Variants in MGAT4A observed in about 807,000 individuals in gnomAD.
MGAT4A encodes the protein N-acetylglucosaminyltransferase IVa.
MGAT4A carries 33 observed loss-of-function variants against 74.1 expected under a neutral mutation model. The observed-to-expected ratio is 0.45, with a 90% CI of 0.34 to 0.60. The LOEUF (loss-of-function observed/expected upper bound fraction) is 0.60. MGAT4A is among the 20% of genes least tolerant of loss of function. The pLI is 0.02. For synonymous variants in MGAT4A, 198 were observed against 210.4 expected (o/e 0.94, Z 0.51); for missense variants, 479 against 628.3 (o/e 0.76, Z 2.54).
At position 98,619,456 on chromosome 2, in the gene MGAT4A, C is replaced by T. The variant is rs1344344436; in HGVS notation, c.*6110G>A. 6.6e-6 allele frequency: 1 copy of T among 152,124 alleles called. No homozygotes were observed. Among genetic ancestry groups the T allele is most frequent in the Non-Finnish European group, 1.5e-5 (1 of 68,024 alleles). The allele number at this position is 152,124 out of a possible 1,614,324, so 9.4% of individuals were successfully genotyped here. A position where few individuals can be genotyped will look rare whatever the true frequency, so the allele number is the denominator to read the frequency against. On this transcript the variant is annotated 3_prime_UTR_variant, in exon 16 of 16. Transcript: ENST00000393487. ...CTAAGGGATGCTTCCAGAAACATCC[C>T]CTAATGCAGACAACCTTTCCAAAGT...
intron 2 of MGAT4A, among the ~76,000 whole-genome samples, chr2:98,715,862 A>G (rs556632722): frequency 1.3e-5 from 2 of 152,342 alleles, no homozygotes; most frequent in East Asian, 3.9e-4. Context: ...ATGATAAGAA[A>G]CAGGATATTG....
chr2:98,707,788 C>T (rs1358579342), intron 2 of MGAT4A, among the ~76,000 whole-genome samples: 1 of 152,132 alleles, frequency 6.6e-6, no homozygotes, highest in East Asian at 1.9e-4. Flanking sequence ...CCCTGCCTGT[C>T]CCTTCTGAGA....
intron 2 of MGAT4A, among the ~76,000 whole-genome samples, chr2:98,704,694 C>G (rs559285244): frequency 6.6e-6 from 1 of 151,992 alleles, no homozygotes; most frequent in Non-Finnish European, 1.5e-5. Flanking sequence ...GGCTTGAGCC[C>G]AGGAGGCAGA....
chr2:98,696,768 T>A (rs1702280428), intron 2 of MGAT4A, among the ~76,000 whole-genome samples: 1 of 152,164 alleles, frequency 6.6e-6, no homozygotes, highest in African/African-American at 2.4e-5. Flanking sequence ...CTATCCCCTA[T>A]GAAACAGCAG....
chr2:98,679,846 A>G (rs976288038), intron 2 of MGAT4A, among the ~76,000 whole-genome samples: 2 of 152,152 alleles, frequency 1.3e-5, no homozygotes, highest in African/African-American at 4.8e-5. Flanking sequence ...ACAGAACTGG[A>G]CAGCAACACC....
intron 8 of MGAT4A, among the ~76,000 whole-genome samples, chr2:98,649,950 C>T (rs777411370): frequency 5.3e-5 from 8 of 152,120 alleles, no homozygotes; most frequent in Non-Finnish European, 7.4e-5. Context: ...GAAATGAAGA[C>T]ATATGAACTG....
In MGAT4A at chr2:98,672,544, T is replaced by C. The variant is rs543566495; in HGVS notation, c.403+2491A>G. ...TCTACCCTGAATGGGCCCTTTAACC[T>C]GAAAACCTGAAGGTTTCTTCAACTC... On this transcript the variant is annotated intron_variant, in intron 4 of 15. Coordinates refer to ENST00000393487, the MANE Select transcript of MGAT4A (RefSeq NM_012214.3). 1.1e-4 allele frequency among the ~76,000 whole-genome samples: 16 copies of C among 152,334 alleles called. No individual in the cohort carries two copies. In the East Asian group the frequency reaches 3.1e-3, roughly 29 times the overall value.
In MGAT4A at chr2:98,651,916, A is replaced by C. The variant is rs1349732049; in HGVS notation, c.774+3529T>G. The stretch of plus-strand genomic sequence containing the variant: ...GAACTGAAAGAAAACAAGGATGGCC[A>C]TACTTAGACAAAATAAGACTTTAAG... On this transcript the variant is annotated intron_variant, in intron 8 of 15. Transcript: ENST00000393487. 2.0e-5 allele frequency among the ~76,000 whole-genome samples: 3 copies of C among 152,364 alleles called. No homozygotes were observed. In the South Asian group the frequency reaches 6.2e-4, roughly 32 times the overall value.
At position 98,632,286 on chromosome 2, in the gene MGAT4A, G is replaced by C. The variant is rs117530180; in HGVS notation, c.1468+2936C>G. ...ACTGCCATGGGGTCAGAGCCCCACA[G>C]CCTGCCCTTCTGCATGCTCCCCTAG... On this transcript the variant is annotated intron_variant, in intron 14 of 15. Coordinates refer to ENST00000393487, the MANE Select transcript of MGAT4A (RefSeq NM_012214.3). Among the ~76,000 whole-genome samples, 720 of 152,202 alleles carry C rather than the reference G, an allele frequency of 4.7e-3. 4 individuals carry two copies. Among genetic ancestry groups the C allele is most frequent in the Middle Eastern group, 0.024 (7 of 294 alleles).
chr2:98,690,934 G>C (rs548870436), intron 2 of MGAT4A, among the ~76,000 whole-genome samples: 5 of 152,272 alleles, frequency 3.3e-5, no homozygotes, highest in African/African-American at 1.2e-4. Flanking sequence ...GCCCAATCTA[G>C]TCAAAAGAGA....
intron 13 of MGAT4A, 86 bp downstream of exon 13, chr2:98,636,431 C>A (rs1701322771): frequency 4.0e-6 from 4 of 1,009,088 alleles, no homozygotes; most frequent in East Asian, 4.8e-5. Context: ...TGAGAATTTT[C>A]TTTCCCCTTA....
Position 98,663,184 on chromosome 2 carries a change from A to G in MGAT4A, c.404-5T>C. 1 of 1,526,524 alleles carries G rather than the reference A, an allele frequency of 6.6e-7. No homozygotes were observed. Among genetic ancestry groups the G allele is most frequent in the Non-Finnish European group, 8.8e-7 (1 of 1,134,428 alleles). The allele number at this position is 1,526,524 out of a possible 1,614,324, so 94.6% of individuals were successfully genotyped here. A position where few individuals can be genotyped will look rare whatever the true frequency, so the allele number is the denominator to read the frequency against. Reference sequence around the variant, plus strand: ...GAATGCCCATGACTATTGAAACTGGAAAAAAAAATAGTAATTATATTAAAA... The same window carrying G: ...GAATGCCCATGACTATTGAAACTGGGAAAAAAAATAGTAATTATATTAAAA... On this transcript the variant is annotated splice_region_variant and splice_polypyrimidine_tract_variant and intron_variant, in intron 4 of 15. Transcript: ENST00000393487.
intron 4 of MGAT4A, among the ~76,000 whole-genome samples, chr2:98,664,401 C>CT (rs1701796199): frequency 1.3e-5 from 2 of 152,100 alleles, no homozygotes; most frequent in South Asian, 4.1e-4. Context: ...AATTTGTCCT[C>CT]TGAGACAAAC....
chr2:98,672,635 A>T (rs1416651774), intron 4 of MGAT4A, among the ~76,000 whole-genome samples: 1 of 152,182 alleles, frequency 6.6e-6, no homozygotes, highest in African/African-American at 2.4e-5. Flanking sequence ...TCCTTCTGAA[A>T]TGACTACCAG....
At chr2:98,699,415 ACCAGC>A (rs1311968642) in intron 2 of MGAT4A, among the ~76,000 whole-genome samples, 1 of 152,162 alleles carries the variant, frequency 6.6e-6, no homozygotes, top group East Asian at 1.9e-4. Context: ...CCAGCCGAGG[ACCAGC>A]CTTTCAAGCC....
At chr2:98,703,550 T>C (rs1233055724) in intron 2 of MGAT4A, among the ~76,000 whole-genome samples, 2 of 152,130 alleles carry the variant, frequency 1.3e-5, no homozygotes, top group Non-Finnish European at 2.9e-5. Context: ...AACACCTCCT[T>C]AAAGGCAGAG....
At chr2:98,705,943 C>T (rs1308708286) in intron 2 of MGAT4A, among the ~76,000 whole-genome samples, 11 of 129,574 alleles carry the variant, frequency 8.5e-5, no homozygotes, top group East Asian at 2.2e-4. Context: ...AGCGAGACTC[C>T]GTCTCAAAAA....
At chr2:98,668,999 G>A (rs757267459) in intron 4 of MGAT4A, among the ~76,000 whole-genome samples, 1 of 152,176 alleles carries the variant, frequency 6.6e-6, no homozygotes, top group African/African-American at 2.4e-5. Context: ...GCTTGCTTTT[G>A]ATTTTACAGG....
chr2:98,636,760 T>C (rs930433114), intron 12 of MGAT4A, among the ~76,000 whole-genome samples, 165 bp from the exon 13 acceptor site: 3 of 152,182 alleles, frequency 2.0e-5, no homozygotes, highest in Non-Finnish European at 4.4e-5. Flanking sequence ...TTCTGAATGG[T>C]TGTAGGGAAC....
Sources: allele counts gnomAD v4.1 joint callset (sites outside exome capture counted in the v4.1 genomes callset), GRCh38; gene constraint gnomAD v4.1.1; transcripts MANE v1.5; gene names NCBI Gene and HGNC (gene_info 2026-07-23, HGNC 2026-07-21).